Variants in RETREG1 observed in about 807,000 individuals in gnomAD.
The protein encoded by RETREG1 is reticulophagy regulator 1.
In RETREG1, 44 loss-of-function variants were observed where a neutral mutation model predicts 54.8. The observed-to-expected ratio is 0.80, with a 90% CI of 0.63 to 1.03. The LOEUF (loss-of-function observed/expected upper bound fraction) is 1.03, where lower values mean the gene tolerates loss of function less well. Among genes scored for constraint, RETREG1 ranks in the 50% least tolerant of loss-of-function variants. The probability of loss-of-function intolerance (pLI) is 0.00; values close to 1 mark genes in which losing one functional copy is unlikely to be tolerated. For synonymous variants in RETREG1, 217 were observed against 238.5 expected, an observed-to-expected ratio of 0.91 and a Z score of 0.83; for missense variants, 554 against 605.1, an observed-to-expected ratio of 0.92 and a Z score of 0.89.
At chr5:16,493,793 T>C (rs1231623644) in intron 3 of RETREG1, among the ~76,000 whole-genome samples, 1 of 152,190 alleles carries the variant, frequency 6.6e-6, no homozygotes, top group Non-Finnish European at 1.5e-5. Context: ...TTGTTCCTAA[T>C]TTTGCTTTTT....
intron 1 of RETREG1, among the ~76,000 whole-genome samples, chr5:16,575,886 T>C (rs746498095): frequency 2.0e-5 from 3 of 152,228 alleles, no homozygotes; most frequent in Non-Finnish European, 4.4e-5. Flanking sequence ...GGTACTTTAA[T>C]TATTTATAAT....
intron 3 of RETREG1, among the ~76,000 whole-genome samples, chr5:16,492,909 T>C (rs570649742): frequency 6.6e-6 from 1 of 152,260 alleles, no homozygotes; most frequent in East Asian, 1.9e-4. Flanking sequence ...GATTAAGAAA[T>C]TACATCGCAC....
chr5:16,596,733 C>T (rs75440640), intron 1 of RETREG1, among the ~76,000 whole-genome samples: 1,579 of 152,270 alleles, frequency 0.01, 23 homozygotes, highest in African/African-American at 0.036. Context: ...AACCTCACTG[C>T]AACTCCAGGG....
At chr5:16,539,107 C>T (rs1741165097) in intron 3 of RETREG1, among the ~76,000 whole-genome samples, 1 of 152,160 alleles carries the variant, frequency 6.6e-6, no homozygotes, top group African/African-American at 2.4e-5. Flanking sequence ...CAGTATAAGG[C>T]ACCTCTAAGA....
At position 16,580,812 on chromosome 5, in the gene RETREG1, A is replaced by G. The variant is rs879434626; in HGVS notation, c.321-8710T>C. ...GTTGCCTTAATTTTCAAAGCCCAGG[A>G]TAAGTGAAAATGCAGAGACCTCACC... On this transcript the variant is annotated intron_variant, in intron 1 of 8. Transcript: ENST00000306320. Among the ~76,000 whole-genome samples the G allele has an allele frequency of 2.0e-5, 3 of 152,140 alleles. No individual in the cohort carries two copies. The East Asian group carries it at 5.8e-4, about 29-fold the overall frequency.
At chr5:16,512,615 T>C (rs1740215043) in intron 3 of RETREG1, among the ~76,000 whole-genome samples, 1 of 152,058 alleles carries the variant, frequency 6.6e-6, no homozygotes, top group South Asian at 2.1e-4. Flanking sequence ...ACAGCTGCTT[T>C]GATTAAAGCT....
At chr5:16,588,684 A>C (rs1367695297) in intron 1 of RETREG1, among the ~76,000 whole-genome samples, 2 of 152,228 alleles carry the variant, frequency 1.3e-5, no homozygotes, top group African/African-American at 2.4e-5. Context: ...TCAAGGCTGA[A>C]ATATCTGAAC....
chr5:16,526,375 T>C (rs149381853), intron 3 of RETREG1, among the ~76,000 whole-genome samples: 1 of 152,322 alleles, frequency 6.6e-6, no homozygotes, highest in East Asian at 1.9e-4. Context: ...ACAGGACCAG[T>C]GTCAACTGCC....
chr5:16,533,081 C>A (rs972692229), intron 3 of RETREG1, among the ~76,000 whole-genome samples: 2 of 151,312 alleles, frequency 1.3e-5, no homozygotes, highest in African/African-American at 4.9e-5. Context: ...GAGTCTCTCT[C>A]TCGCCCAGGC....
At chr5:16,602,585 T>C (rs1032533494) in intron 1 of RETREG1, among the ~76,000 whole-genome samples, 2 of 152,182 alleles carry the variant, frequency 1.3e-5, no homozygotes, top group Admixed American at 6.5e-5. Flanking sequence ...ACTTACATAG[T>C]CATAATGCTT....
In RETREG1 at chr5:16,561,517, TAAATA is replaced by T. The variant is rs1022401766; in HGVS notation, c.458+4241_458+4245del. 7.9e-5 allele frequency among the ~76,000 whole-genome samples: 12 copies of T among 151,560 alleles called. No individual in the cohort carries two copies. The highest frequency in any genetic ancestry group is 2.4e-4 in the African/African-American group (10 of 41,254). The stretch of plus-strand genomic sequence containing the variant: ...GTCTCAAAAAATAATAATAATAAAA[TAAATA>T]AAATAAAATAAAATACAAATACAAA... On this transcript the variant is annotated intron_variant, in intron 3 of 8. Coordinates refer to ENST00000306320, the MANE Select transcript of RETREG1 (RefSeq NM_001034850.3). The surrounding 1 kb of genome is among the most constrained non-coding windows in gnomAD (Gnocchi z 4.2).
chr5:16,497,255 C>T (rs1304268438), intron 3 of RETREG1, among the ~76,000 whole-genome samples: 1 of 152,188 alleles, frequency 6.6e-6, no homozygotes, highest in Non-Finnish European at 1.5e-5. Context: ...AGGATCAGAA[C>T]CCAGTCTCCA....
chr5:16,566,335 G>C (rs937022748), intron 2 of RETREG1, among the ~76,000 whole-genome samples: 1 of 151,994 alleles, frequency 6.6e-6, no homozygotes, highest in African/African-American at 2.4e-5. Flanking sequence ...TTGACTTTTA[G>C]GTAGGTGCAA....
intron 1 of RETREG1, among the ~76,000 whole-genome samples, chr5:16,609,636 C>T (rs967232463): frequency 6.6e-6 from 1 of 152,074 alleles, no homozygotes; most frequent in African/African-American, 2.4e-5. Context: ...TGAAGCCCGG[C>T]CAGAAGGATC....
intron 3 of RETREG1, among the ~76,000 whole-genome samples, chr5:16,545,592 G>A (rs1741364179): frequency 6.6e-6 from 1 of 152,156 alleles, no homozygotes; most frequent in Non-Finnish European, 1.5e-5. Context: ...AGCAGCAGCA[G>A]CAGCATCCAC....
chr5:16,593,761 C>G lies in RETREG1; in HGVS notation c.321-21659G>C, dbSNP rs1208185174. 6.6e-6 allele frequency among the ~76,000 whole-genome samples: 1 copy of G among 152,202 alleles called. No individual in the cohort carries two copies. On this transcript the variant is annotated intron_variant, in intron 1 of 8. Coordinates refer to ENST00000306320, the MANE Select transcript of RETREG1 (RefSeq NM_001034850.3). This position sits in a 1 kb window ranked among gnomAD's most constrained non-coding sequence, Gnocchi z 4.9. ...TCTAGCTCTCCTAATTTGCCCCATA[C>G]TAAAGTCATGTTGCAATGGTGTGGC...
intron 3 of RETREG1, among the ~76,000 whole-genome samples, chr5:16,497,252 G>A (rs1012611463): frequency 7.2e-5 from 11 of 152,288 alleles, no homozygotes; most frequent in African/African-American, 2.2e-4. Context: ...ACCAGGATCA[G>A]AACCCAGTCT....
At chr5:16,486,729 C>T (rs1739035714) in intron 3 of RETREG1, among the ~76,000 whole-genome samples, 1 of 152,194 alleles carries the variant, frequency 6.6e-6, no homozygotes, top group African/African-American at 2.4e-5. Flanking sequence ...AGGAGCATTT[C>T]ATGTTCCTCA....
At chr5:16,478,138 C>T (rs1738621507) in intron 6 of RETREG1, 40 bp from the exon 7 acceptor site, 1 of 1,314,006 alleles carries the variant, frequency 7.6e-7, no homozygotes, top group Non-Finnish European at 1.1e-6. Context: ...GTTTCCTAGC[C>T]AACTCAGACA....
Sources: gnomAD v4.1 joint callset for allele counts (sites outside exome capture counted in the v4.1 genomes callset) on GRCh38, gnomAD v4.1.1 for gene constraint, Gnocchi (gnomAD v3.1) non-coding constraint, MANE v1.5 for transcripts, NCBI Gene and HGNC (gene_info 2026-07-23, HGNC 2026-07-21) for gene names.